The following CNBD1 variants were observed in gnomAD, a reference collection of about 807,000 sequenced individuals.
CNBD1 encodes cyclic nucleotide-binding domain-containing protein 1.
Under a neutral mutation model 54.4 loss-of-function variants are expected in CNBD1, and 71 were observed. The observed-to-expected ratio is 1.30, with a 90% CI of 1.08 to 1.59. The LOEUF (loss-of-function observed/expected upper bound fraction) is 1.59. Ranked by LOEUF, CNBD1 falls within the 40% of genes most tolerant of loss-of-function variation. The pLI is 0.00. For synonymous variants in CNBD1, 182 were observed against 170.7 expected (o/e 1.07, Z -0.51); for missense variants, 659 against 518.0 (o/e 1.27, Z -2.64).
intron 1 of CNBD1, among the ~76,000 whole-genome samples, chr8:86,878,212 CT>C (rs1759570757): frequency 6.6e-6 from 1 of 150,734 alleles, no homozygotes; most frequent in African/African-American, 2.4e-5. Context: ...TTTTTATTTG[CT>C]ATTATAAATT....
Position 87,212,932 on chromosome 8 carries a change from C to CACAGT in CNBD1, c.577+6797_577+6801dup, listed in dbSNP as rs568522125. On this transcript the variant is annotated intron_variant, in intron 5 of 10. Transcript: ENST00000518476. ...CAAAAATGCAGCCCTTGAAATGGAA[C>CACAGT]ACAGTACTTGCAAATCATATATCTA... Among the ~76,000 whole-genome samples, 30 of 152,184 alleles carry CACAGT rather than the reference C, an allele frequency of 2.0e-4. No individual in the cohort carries two copies. The South Asian group carries it at 6.0e-3, about 30-fold the overall frequency.
intron 8 of CNBD1, among the ~76,000 whole-genome samples, chr8:87,348,348 C>T (rs541866691): frequency 3.6e-4 from 55 of 152,182 alleles, no homozygotes; most frequent in Non-Finnish European, 5.1e-4. Flanking sequence ...ACATGGTATT[C>T]GCATTGGTAT....
At chr8:87,226,342 A>G (rs1227163380) in intron 5 of CNBD1, among the ~76,000 whole-genome samples, 3 of 150,084 alleles carry the variant, frequency 2.0e-5, no homozygotes, top group African/African-American at 7.5e-5. Flanking sequence ...TAGGGTGTCA[A>G]TTTTGGATCT....
At chr8:87,117,985 TA>T (rs1811808750) in intron 4 of CNBD1, among the ~76,000 whole-genome samples, 1 of 152,100 alleles carries the variant, frequency 6.6e-6, no homozygotes, top group Non-Finnish European at 1.5e-5. Flanking sequence ...TAATAAACCA[TA>T]AAATATGTTA....
At chr8:87,085,383 CACATGT>C (rs1811075798) in intron 4 of CNBD1, among the ~76,000 whole-genome samples, 1 of 151,988 alleles carries the variant, frequency 6.6e-6, no homozygotes, top group African/African-American at 2.4e-5. Context: ...AAGATACATA[CACATGT>C]ATATGTATAT....
chr8:87,356,421 G>A lies in CNBD1; in HGVS notation c.1303+2635G>A, dbSNP rs185178758. Reference sequence around the variant, plus strand: ...TTAGATGGAAATGAGGAATCTATTGGAAAATGGAATAAAGTGTATCCTTGC... The same window carrying A: ...TTAGATGGAAATGAGGAATCTATTGAAAAATGGAATAAAGTGTATCCTTGC... On this transcript the variant is annotated intron_variant, in intron 10 of 10. Transcript: ENST00000518476. Among the ~76,000 whole-genome samples, 472 of 152,270 alleles carry A rather than the reference G, an allele frequency of 3.1e-3. 2 individuals are homozygous for A. The highest frequency in any genetic ancestry group is 0.011 in the African/African-American group (446 of 41,576).
chr8:86,932,491 GTCC>G (rs1212785759), intron 3 of CNBD1, among the ~76,000 whole-genome samples: 1 of 152,122 alleles, frequency 6.6e-6, no homozygotes, highest in Admixed American at 6.5e-5. Flanking sequence ...AAACTGAGAG[GTCC>G]TCCTGTGGGA....
At position 86,878,960 on chromosome 8, in the gene CNBD1, A is replaced by T. The variant is rs551069476; in HGVS notation, c.89-8582A>T. Among the ~76,000 whole-genome samples the T allele has an allele frequency of 1.5e-3, 224 of 152,292 alleles. 2 individuals carry two copies. The highest frequency in any genetic ancestry group is 5.3e-3 in the African/African-American group (219 of 41,566). On this transcript the variant is annotated intron_variant, in intron 1 of 10. Transcript: ENST00000518476. The stretch of plus-strand genomic sequence containing the variant: ...GTGGGCTGTTTGTCATGATGAATAG[A>T]TTTTTAATGCCAAAAAAATGACATT...
intron 4 of CNBD1, among the ~76,000 whole-genome samples, chr8:87,023,482 A>T (rs1178850892): frequency 6.6e-6 from 1 of 151,918 alleles, no homozygotes; most frequent in Non-Finnish European, 1.5e-5. Flanking sequence ...TTTTTGCATT[A>T]TTTCCTTATC....
intron 2 of CNBD1, among the ~76,000 whole-genome samples, chr8:86,896,441 A>G (rs1808849550): frequency 6.6e-6 from 1 of 152,124 alleles, no homozygotes; most frequent in African/African-American, 2.4e-5. Context: ...TCTTTGGGGC[A>G]GTGTATATCT....
downstream of CNBD1, among the ~76,000 whole-genome samples, chr8:87,383,140 T>C (rs187141862): frequency 2.6e-5 from 4 of 152,184 alleles, no homozygotes; most frequent in East Asian, 7.7e-4. Flanking sequence ...TTGTGCTTTT[T>C]TCATCTTTTA....
At chr8:87,049,199 A>G (rs1264044894) in intron 4 of CNBD1, among the ~76,000 whole-genome samples, 1 of 152,056 alleles carries the variant, frequency 6.6e-6, no homozygotes. Context: ...TCCCTCAGTT[A>G]TGTCATCCAC....
At chr8:87,095,617 C>T (rs1200198189) in intron 4 of CNBD1, among the ~76,000 whole-genome samples, 1 of 152,196 alleles carries the variant, frequency 6.6e-6, no homozygotes, top group Non-Finnish European at 1.5e-5. Flanking sequence ...CTATGGCAAA[C>T]AATCAATTAT....
rs1305335053 is a variant in CNBD1 at position 87,269,577 on chromosome 8, T to C, written c.772-15101T>C. 6.6e-5 allele frequency among the ~76,000 whole-genome samples: 10 copies of C among 152,138 alleles called. 1 individual carries two copies. In the East Asian group the frequency reaches 1.9e-3, roughly 29 times the overall value. ...CATGGAATATTTTTCCATTTGTTTG[T>C]GTCATCTATGATTTCTTTCAGCAGT... is the stretch of plus-strand genomic sequence containing the variant. On this transcript the variant is annotated intron_variant, in intron 6 of 10. Coordinates refer to ENST00000518476, the MANE Select transcript of CNBD1 (RefSeq NM_173538.3).
intron 4 of CNBD1, among the ~76,000 whole-genome samples, chr8:86,980,854 C>T (rs544754966): frequency 3.0e-4 from 45 of 152,266 alleles, no homozygotes; most frequent in Non-Finnish European, 5.6e-4. Flanking sequence ...GGACTTAGAT[C>T]TGGAGCACAA....
intron 1 of CNBD1, among the ~76,000 whole-genome samples, chr8:86,879,411 A>G (rs182547520): frequency 1.4e-4 from 22 of 152,326 alleles, no homozygotes; most frequent in African/African-American, 5.3e-4. Flanking sequence ...AAAGACATTT[A>G]CCTTTTTCTA....
At chr8:87,253,208 C>G (rs879809570) in intron 6 of CNBD1, among the ~76,000 whole-genome samples, 2 of 152,138 alleles carry the variant, frequency 1.3e-5, no homozygotes, top group Admixed American at 1.3e-4. Context: ...CCCTTCTCTC[C>G]CTTGCCCTTT....
intron 8 of CNBD1, among the ~76,000 whole-genome samples, chr8:87,292,040 C>T (rs1437153381): frequency 2.6e-5 from 4 of 152,250 alleles, no homozygotes; most frequent in South Asian, 2.1e-4. Context: ...CTGCTCAGTA[C>T]ATCTGGGTTG....
chr8:87,212,346 A>C (rs1355403492), intron 5 of CNBD1, among the ~76,000 whole-genome samples: 2 of 152,054 alleles, frequency 1.3e-5, no homozygotes, highest in Admixed American at 1.3e-4. Context: ...TTTTTTGCAG[A>C]AGTTAATAAA....
Sources: allele counts gnomAD v4.1 joint callset (sites outside exome capture counted in the v4.1 genomes callset), GRCh38; gene constraint gnomAD v4.1.1; transcripts MANE v1.5; gene names NCBI Gene and HGNC (gene_info 2026-07-23, HGNC 2026-07-21).